KLF8: variants seen among roughly 807,000 people sequenced by gnomAD.
KLF8 encodes the protein Krueppel-like factor 8.
In KLF8, 10 loss-of-function variants were observed where a neutral mutation model predicts 18.2. The observed-to-expected ratio is 0.55, with a 90% CI of 0.34 to 0.93. The LOEUF (loss-of-function observed/expected upper bound fraction) is 0.93. Among genes scored for constraint, KLF8 ranks in the 40% least tolerant of loss-of-function variants. The probability of loss-of-function intolerance (pLI) is 0.02; values close to 1 mark genes in which losing one functional copy is unlikely to be tolerated. For missense variants in KLF8, 264 were observed against 277.9 expected (o/e 0.95, Z 0.36); for synonymous variants, 109 against 97.3 (o/e 1.12, Z -0.71).
At chrX:56,148,170 G>A in the KLF8 span, among the ~76,000 whole-genome samples, 2 of 111,642 alleles carry the variant, frequency 1.8e-5, no homozygotes, top group South Asian at 3.7e-4. Context: ...AATTAATAAT[G>A]CACTTTTGGT....
chrX:56,146,181 A>G, the KLF8 span, among the ~76,000 whole-genome samples: 1 of 112,053 alleles, frequency 8.9e-6, no homozygotes, highest in Non-Finnish European at 1.9e-5. Flanking sequence ...AGAACTAGAA[A>G]TACCATTTGA....
At chrX:56,079,145 A>T in the KLF8 span, among the ~76,000 whole-genome samples, 1 of 110,400 alleles carries the variant, frequency 9.1e-6, no homozygotes, top group African/African-American at 3.3e-5. Flanking sequence ...TATTTCCTTC[A>T]GTTCTGCTCT....
At chrX:56,256,706 T>G (rs2066800872) in intron 2 of KLF8, among the ~76,000 whole-genome samples, 1 of 112,004 alleles carries the variant, frequency 8.9e-6, no homozygotes, top group East Asian at 2.8e-4. Context: ...TTGTAGTTGG[T>G]TTTTTTGTTT....
At chrX:55,966,749 C>T in the KLF8 span, among the ~76,000 whole-genome samples, 17 of 111,199 alleles carry the variant, frequency 1.5e-4, no homozygotes, top group Admixed American at 2.9e-4. Context: ...AAAGACCATC[C>T]AGGAAAACAT....
chrX:56,011,304 A>G, the KLF8 span, among the ~76,000 whole-genome samples: 1 of 112,406 alleles, frequency 8.9e-6, no homozygotes, highest in Non-Finnish European at 1.9e-5. Flanking sequence ...ATTAGCACTC[A>G]AGATTGAGTA....
the KLF8 span, among the ~76,000 whole-genome samples, chrX:56,211,144 C>T: frequency 8.9e-6 from 1 of 112,046 alleles, no homozygotes; most frequent in Middle Eastern, 4.6e-3. Flanking sequence ...GTAGTCTCCA[C>T]TGTCTGTACT....
At chrX:56,035,104 C>A in the KLF8 span, among the ~76,000 whole-genome samples, 1 of 111,719 alleles carries the variant, frequency 9.0e-6, no homozygotes, top group Non-Finnish European at 1.9e-5. Context: ...TAAGAAATCT[C>A]TCCCTATTCC....
the KLF8 span, among the ~76,000 whole-genome samples, chrX:56,130,411 T>C: frequency 9.0e-6 from 1 of 111,624 alleles, no homozygotes; most frequent in Non-Finnish European, 1.9e-5. Flanking sequence ...TAACATTCAT[T>C]ACAGTTTGGC....
At chrX:56,116,634 G>GATATATATATATATAT in the KLF8 span, among the ~76,000 whole-genome samples, 3 of 78,157 alleles carry the variant, frequency 3.8e-5, no homozygotes, top group African/African-American at 4.9e-5. Context: ...ATGATGTTCT[G>GATATATATATATATAT]ATATATATAT....
the KLF8 span, among the ~76,000 whole-genome samples, chrX:56,078,609 T>C: frequency 8.9e-6 from 1 of 111,981 alleles, no homozygotes; most frequent in Non-Finnish European, 1.9e-5. Context: ...TTCTCTTTTT[T>C]GGTTGTGTCT....
At chrX:56,248,409 A>G (rs1412858798) in intron 1 of KLF8, among the ~76,000 whole-genome samples, 1 of 111,785 alleles carries the variant, frequency 8.9e-6, no homozygotes, top group African/African-American at 3.3e-5. Flanking sequence ...TAACTCTGTT[A>G]AGGCAATACC....
At chrX:56,241,826 T>G (rs1357389651) in intron 1 of KLF8, among the ~76,000 whole-genome samples, 2 of 112,288 alleles carry the variant, frequency 1.8e-5, no homozygotes, top group Non-Finnish European at 3.8e-5. Flanking sequence ...AATTATTGTC[T>G]AAACATAAAT....
chrX:56,211,990 C>T, the KLF8 span, among the ~76,000 whole-genome samples: 1 of 111,366 alleles, frequency 9.0e-6, no homozygotes, highest in Non-Finnish European at 1.9e-5. Context: ...GGTATTGCTG[C>T]TGGTCATTCA....
chrX:56,018,201 C>T, the KLF8 span, among the ~76,000 whole-genome samples: 1 of 111,155 alleles, frequency 9.0e-6, no homozygotes, highest in South Asian at 3.8e-4. Context: ...CATTACCCTT[C>T]GCAGCCTCTG....
chrX:55,958,513 T>C, the KLF8 span, among the ~76,000 whole-genome samples: 7 of 112,159 alleles, frequency 6.2e-5, no homozygotes, highest in Admixed American at 1.9e-4. Context: ...TATTTTCTTT[T>C]CTTTTTGTTC....
chrX:56,171,665 T>C, the KLF8 span, among the ~76,000 whole-genome samples: 2 of 111,707 alleles, frequency 1.8e-5, no homozygotes, highest in Non-Finnish European at 3.8e-5. Context: ...GAATGATGGT[T>C]TCCAGCTTCA....
the KLF8 span, among the ~76,000 whole-genome samples, chrX:56,158,610 C>T: frequency 3.0e-3 from 336 of 111,684 alleles, 3 homozygotes; most frequent in African/African-American, 0.011. Context: ...CTTCACATCC[C>T]TTGTAAGTTG....
chrX:56,290,797 A>C lies in KLF8; in HGVS notation c.*6303A>C, dbSNP rs1363588597. 1.8e-5 allele frequency among the ~76,000 whole-genome samples: 2 copies of C among 111,341 alleles called. No individual in the cohort carries two copies. Among genetic ancestry groups the C allele is most frequent in the Admixed American group, 1.9e-4 (2 of 10,451 alleles). ...GGGGGTGGGAGTGGGTTGGAAGAGG[A>C]TGGGATTTATACCAGTGGCAGGATA... On this transcript the variant is annotated 3_prime_UTR_variant, in exon 6 of 6. Transcript: ENST00000468660.
the KLF8 span, among the ~76,000 whole-genome samples, chrX:56,109,498 T>A: frequency 8.9e-6 from 1 of 111,769 alleles, no homozygotes; most frequent in African/African-American, 3.3e-5. Context: ...TATATATGTT[T>A]ACTAGGTTTA....
Sources: allele counts gnomAD v4.1 joint callset (sites outside exome capture counted in the v4.1 genomes callset), GRCh38; gene constraint gnomAD v4.1.1; transcripts MANE v1.5; gene names NCBI Gene and HGNC (gene_info 2026-07-23, HGNC 2026-07-21).